NKAIN3: variants seen among roughly 807,000 people sequenced by gnomAD.
NKAIN3 encodes sodium/potassium-transporting ATPase subunit beta-1-interacting protein 3.
NKAIN3 carries 25 observed loss-of-function variants against 30.2 expected under a neutral mutation model. The ratio of observed to expected loss-of-function variants is 0.83; its 90% CI spans 0.60 to 1.16. The LOEUF is 1.16. Ranked by LOEUF, NKAIN3 falls within the 50% of genes most tolerant of loss-of-function variation. The pLI, the probability that NKAIN3 is intolerant of heterozygous loss-of-function variation, is 0.00. For synonymous variants in NKAIN3, 91 were observed against 89.6 expected, an observed-to-expected ratio of 1.02 and a Z score of -0.09; for missense variants, 225 against 254.1, an observed-to-expected ratio of 0.89 and a Z score of 0.78.
chr8:62,691,539 C>G (rs557532349), intron 3 of NKAIN3, among the ~76,000 whole-genome samples: 3 of 152,014 alleles, frequency 2.0e-5, no homozygotes, highest in African/African-American at 4.8e-5. Flanking sequence ...AATGTTGTTG[C>G]TATTGGTTTG....
At position 62,470,930 on chromosome 8, in the gene NKAIN3, A is replaced by T. The variant is rs370197648; in HGVS notation, c.55-108609A>T. 3.3e-5 allele frequency among the ~76,000 whole-genome samples: 5 copies of T among 152,262 alleles called. No homozygotes were observed. In the East Asian group the frequency reaches 7.7e-4, roughly 24 times the overall value. On this transcript the variant is annotated intron_variant, in intron 1 of 6. Transcript: ENST00000623646. The stretch of plus-strand genomic sequence containing the variant: ...TTGATAGCATCCCACTGAATGAATA[A>T]ATCACATTTATGTAAACATTGTACA...
chr8:62,372,824 T>C (rs10504345), intron 1 of NKAIN3, among the ~76,000 whole-genome samples: 21,041 of 152,024 alleles, frequency 0.14, 1,747 homozygotes, highest in East Asian at 0.4. Flanking sequence ...AGTCTCTATC[T>C]TTTACCTTTT....
intron 4 of NKAIN3, among the ~76,000 whole-genome samples, chr8:62,800,053 G>T (rs1390494852): frequency 1.3e-5 from 2 of 152,122 alleles, no homozygotes; most frequent in Non-Finnish European, 2.9e-5. Context: ...TTGGGGGAAA[G>T]ACTGGGAGGT....
chr8:62,920,328 T>C (rs2130860016), intron 5 of NKAIN3, among the ~76,000 whole-genome samples: 1 of 152,298 alleles, frequency 6.6e-6, no homozygotes, highest in East Asian at 1.9e-4. Context: ...GGTCAAAGAC[T>C]CTCAAAAGAC....
intron 3 of NKAIN3, among the ~76,000 whole-genome samples, chr8:62,599,132 T>G (rs1260238044): frequency 6.6e-6 from 1 of 152,080 alleles, no homozygotes; most frequent in Non-Finnish European, 1.5e-5. Flanking sequence ...GCATAAACAA[T>G]TATGCCTCTT....
At chr8:62,534,847 C>A (rs1808602684) in intron 1 of NKAIN3, among the ~76,000 whole-genome samples, 1 of 138,092 alleles carries the variant, frequency 7.2e-6, no homozygotes, top group African/African-American at 2.7e-5. Context: ...AATGTAAAAA[C>A]ATTGCATTTA....
At chr8:62,942,304 T>C (rs531920006) in intron 5 of NKAIN3, among the ~76,000 whole-genome samples, 24 of 144,660 alleles carry the variant, frequency 1.7e-4, no homozygotes, top group Admixed American at 1.5e-3. Context: ...ATACACACAA[T>C]ACTTGACAAT....
In NKAIN3 at chr8:62,489,973, A is replaced by G. The variant is rs73267318; in HGVS notation, c.55-89566A>G. 3.1e-3 allele frequency among the ~76,000 whole-genome samples: 466 copies of G among 152,328 alleles called. 4 individuals are homozygous for G. Among genetic ancestry groups the G allele is most frequent in the African/African-American group, 0.011 (453 of 41,574 alleles). ...GCTTCAGCTTTTTCTTTTATAAATA[A>G]GCCCTTATTCAATTTTCTTAGGGTT... On this transcript the variant is annotated intron_variant, in intron 1 of 6. Coordinates refer to ENST00000623646, the MANE Select transcript of NKAIN3 (RefSeq NM_001304533.3).
chr8:62,259,610 GC>G (rs1461941176), intron 1 of NKAIN3, among the ~76,000 whole-genome samples: 10 of 152,240 alleles, frequency 6.6e-5, no homozygotes, highest in African/African-American at 2.2e-4. Flanking sequence ...GATATGTTTT[GC>G]AAAGATATTG....
At chr8:62,386,932 A>AGAGG (rs1199354523) in intron 1 of NKAIN3, among the ~76,000 whole-genome samples, 1 of 152,038 alleles carries the variant, frequency 6.6e-6, no homozygotes, top group Non-Finnish European at 1.5e-5. Context: ...AGAGAGAGAG[A>AGAGG]GAGAGAGAGA....
At chr8:62,855,664 C>G (rs554760162) in intron 4 of NKAIN3, 28 of 1,604,168 alleles carry the variant, frequency 1.7e-5, no homozygotes, top group South Asian at 2.2e-5. Context: ...AGTGCTGCTG[C>G]AGCCCAGGGT....
At chr8:62,673,323 G>A (rs780200175) in intron 3 of NKAIN3, among the ~76,000 whole-genome samples, 8 of 152,204 alleles carry the variant, frequency 5.3e-5, no homozygotes, top group Non-Finnish European at 1.2e-4. Flanking sequence ...TTTTTTCTAT[G>A]CATAGAGTAA....
chr8:62,949,166 A>T (rs1823209649), intron 5 of NKAIN3, among the ~76,000 whole-genome samples: 1 of 152,180 alleles, frequency 6.6e-6, no homozygotes, highest in South Asian at 2.1e-4. Flanking sequence ...GCCACCTTGC[A>T]CATGTTGTCT....
rs906625655 is a variant in NKAIN3, at chr8:62,976,929, C to T, written c.*11522C>T. ...CTTGTCTGTAAAGGATTTTATTTCTCCTTCACTTGTGAAGCTCAGTTTGGC... is the reference window on the plus strand; with the variant it reads ...CTTGTCTGTAAAGGATTTTATTTCTTCTTCACTTGTGAAGCTCAGTTTGGC... On this transcript the variant is annotated 3_prime_UTR_variant, in exon 7 of 7. Coordinates refer to ENST00000623646, the MANE Select transcript of NKAIN3 (RefSeq NM_001304533.3). Among the ~76,000 whole-genome samples the T allele has an allele frequency of 6.6e-6, 1 of 152,168 alleles. No individual in the cohort carries two copies. The highest frequency in any genetic ancestry group is 6.5e-5 in the Admixed American group (1 of 15,282).
intron 3 of NKAIN3, among the ~76,000 whole-genome samples, chr8:62,743,270 C>A (rs1451569520): frequency 6.6e-6 from 1 of 151,966 alleles, no homozygotes; most frequent in Non-Finnish European, 1.5e-5. Flanking sequence ...GTATAGAAAA[C>A]TGAGTTGTCA....
rs1346217121 is a variant in NKAIN3, at chr8:62,804,923, T to A, written c.471+57794T>A. Among the ~76,000 whole-genome samples the A allele has an allele frequency of 2.6e-5, 4 of 152,182 alleles. No individual in the cohort carries two copies. In the South Asian group the frequency reaches 8.3e-4, roughly 32 times the overall value. On this transcript the variant is annotated intron_variant, in intron 4 of 6. Coordinates refer to ENST00000623646, the MANE Select transcript of NKAIN3 (RefSeq NM_001304533.3). ...AACCCCATTGTCTCAGCCCAAAATCTCCTTAAACTGATAAGCAGCTTCAGC... is the reference window on the plus strand; with the variant it reads ...AACCCCATTGTCTCAGCCCAAAATCACCTTAAACTGATAAGCAGCTTCAGC...
intron 4 of NKAIN3, among the ~76,000 whole-genome samples, chr8:62,833,194 G>A (rs1256944728): frequency 6.6e-6 from 1 of 152,058 alleles, no homozygotes; most frequent in Non-Finnish European, 1.5e-5. Context: ...CAAAAGCAGT[G>A]TTAAGAGGAA....
At chr8:62,870,021 C>A (rs950736701) in intron 4 of NKAIN3, among the ~76,000 whole-genome samples, 8 of 151,426 alleles carry the variant, frequency 5.3e-5, no homozygotes, top group African/African-American at 1.9e-4. Context: ...CCACCCGCGT[C>A]GGCCTCCCAA....
intron 1 of NKAIN3, among the ~76,000 whole-genome samples, chr8:62,320,765 A>G (rs1391481131): frequency 1.3e-5 from 2 of 151,882 alleles, no homozygotes; most frequent in Non-Finnish European, 2.9e-5. Context: ...TGCCCTTAAC[A>G]TTTTTTCCTT....
Sources: gnomAD v4.1 joint callset for allele counts (sites outside exome capture counted in the v4.1 genomes callset) on GRCh38, gnomAD v4.1.1 for gene constraint, MANE v1.5 for transcripts, NCBI Gene and HGNC (gene_info 2026-07-23, HGNC 2026-07-21) for gene names.